The following ZNF257 variants were observed in gnomAD, a reference collection of about 807,000 sequenced individuals.
The protein encoded by ZNF257 is zinc finger protein 257, also known as bone marrow zinc finger 4.
In ZNF257, 12 loss-of-function variants were observed where a neutral mutation model predicts 11.9. The observed-to-expected ratio is 1.01, with a 90% CI of 0.65 to 1.63. ZNF257 has a LOEUF of 1.63. Ranked by LOEUF, ZNF257 falls within the 40% of genes most tolerant of loss-of-function variation. The probability of loss-of-function intolerance (pLI) is 0.00; values close to 1 mark genes in which losing one functional copy is unlikely to be tolerated. For missense variants in ZNF257, 580 were observed against 665.5 expected (o/e 0.87, Z 1.41); for synonymous variants, 183 against 222.7 (o/e 0.82, Z 1.59).
At chr19:22,062,920 G>A (rs1184815215) in intron 1 of ZNF257, among the ~76,000 whole-genome samples, 1 of 152,164 alleles carries the variant, frequency 6.6e-6, no homozygotes, top group East Asian at 1.9e-4. Context: ...AGCGGAAATG[G>A]TACTAGCTCT....
At chr19:22,085,497 G>A (rs1213125481) in intron 3 of ZNF257, among the ~76,000 whole-genome samples, 6 of 151,866 alleles carry the variant, frequency 4.0e-5, no homozygotes, top group Non-Finnish European at 8.8e-5. Flanking sequence ...CTATATCTGT[G>A]TTAGAAATAC....
At chr19:22,082,456 G>C (rs565423385) in intron 3 of ZNF257, among the ~76,000 whole-genome samples, 1 of 152,298 alleles carries the variant, frequency 6.6e-6, no homozygotes, top group East Asian at 1.9e-4. Context: ...TTACAGGCAT[G>C]AGCCACTGTG....
chr19:22,064,557 G>T (rs572057904), intron 1 of ZNF257, among the ~76,000 whole-genome samples: 1 of 152,280 alleles, frequency 6.6e-6, no homozygotes, highest in African/African-American at 2.4e-5. Flanking sequence ...AAGATACTGA[G>T]TAGTTTTTTT....
At chr19:22,076,711 C>T (rs10411495) in intron 3 of ZNF257, among the ~76,000 whole-genome samples, 15,880 of 151,954 alleles carry the variant, frequency 0.1, 2,834 homozygotes, top group African/African-American at 0.36. Flanking sequence ...TTTTTTGAGA[C>T]GGAGTCTCGC....
intron 3 of ZNF257, among the ~76,000 whole-genome samples, chr19:22,075,035 G>A (rs184956283): frequency 1.2e-4 from 18 of 152,262 alleles, no homozygotes; most frequent in Non-Finnish European, 2.2e-4. Context: ...CTAGTTTCAG[G>A]AGGTAAAGAT....
Position 22,073,461 on chromosome 19 carries a change from A to T in ZNF257, c.131-8A>T. 1 of 1,602,306 alleles carries T rather than the reference A, an allele frequency of 6.2e-7. No individual in the cohort carries two copies. Among genetic ancestry groups the T allele is most frequent in the Non-Finnish European group, 8.5e-7 (1 of 1,175,888 alleles). ...GCAAGATGCGTGTTACTTATTTTTA[A>T]AAAACAGGTATTGCTGTCTCTAAGC... is the stretch of plus-strand genomic sequence containing the variant. On this transcript the variant is annotated splice_region_variant and splice_polypyrimidine_tract_variant and intron_variant, in intron 2 of 3. Transcript: ENST00000594947.
intron 1 of ZNF257, among the ~76,000 whole-genome samples, chr19:22,053,325 G>T (rs1279421039): frequency 8.3e-6 from 1 of 121,182 alleles, no homozygotes; most frequent in East Asian, 2.8e-4. Context: ...CCGAGATGGC[G>T]CCACTGCACT....
intron 3 of ZNF257, among the ~76,000 whole-genome samples, chr19:22,078,814 CGG>C (rs2022291737): frequency 7.9e-6 from 1 of 126,374 alleles, no homozygotes; most frequent in East Asian, 2.3e-4. Flanking sequence ...TTTTTTGAGA[CGG>C]AGTTTTGCTC....
chr19:22,056,171 C>T (rs532148779), intron 1 of ZNF257, among the ~76,000 whole-genome samples: 1 of 151,724 alleles, frequency 6.6e-6, no homozygotes, highest in South Asian at 2.1e-4. Flanking sequence ...TACAAAGGGA[C>T]GGGGGAGCAC....
intron 1 of ZNF257, among the ~76,000 whole-genome samples, chr19:22,061,788 C>A (rs994434423): frequency 4.6e-5 from 7 of 151,862 alleles, no homozygotes; most frequent in Admixed American, 1.3e-4. Flanking sequence ...ATAAATAATT[C>A]ATTATTTTGA....
rs1379232404 is a variant in ZNF257, at chr19:22,091,274, C to T, written c.*1832C>T. Reference sequence around the variant, plus strand: ...AGGAGTTTGAAACCAGCCTGGCCAACATGGTGAAACCCTGTCTCTACTGAA... The same window carrying T: ...AGGAGTTTGAAACCAGCCTGGCCAATATGGTGAAACCCTGTCTCTACTGAA... On this transcript the variant is annotated 3_prime_UTR_variant, in exon 4 of 4. Transcript: ENST00000594947. 6.6e-6 allele frequency: 1 copy of T among 151,962 alleles called. No individual in the cohort carries two copies. The highest frequency in any genetic ancestry group is 2.4e-5 in the African/African-American group (1 of 41,312). The allele number at this position is 151,962 out of a possible 1,614,324, so 9.4% of individuals were successfully genotyped here. A position where few individuals can be genotyped will look rare whatever the true frequency, so the allele number is the denominator to read the frequency against.
chr19:22,090,884 C>T lies in ZNF257; in HGVS notation c.*1442C>T, dbSNP rs888332985. 7.2e-5 allele frequency: 11 copies of T among 152,186 alleles called. No homozygotes were observed. Among genetic ancestry groups the T allele is most frequent in the African/African-American group, 1.7e-4 (7 of 41,510 alleles). 9.4% of individuals were successfully genotyped at this position (152,186 alleles called of 1,614,324 possible). ...TACTTTATTAGGTGGGAATTATATA[C>T]GACCTCTTCTATAAAATAGTAAGGA... is the stretch of plus-strand genomic sequence containing the variant. On this transcript the variant is annotated 3_prime_UTR_variant, in exon 4 of 4. Coordinates refer to ENST00000594947, the MANE Select transcript of ZNF257 (RefSeq NM_033468.4).
At chr19:22,078,164 G>A (rs1391058244) in intron 3 of ZNF257, among the ~76,000 whole-genome samples, 1 of 149,690 alleles carries the variant, frequency 6.7e-6, no homozygotes, top group Non-Finnish European at 1.5e-5. Context: ...CTTGTACCCG[G>A]GAAATGAAGG....
intron 3 of ZNF257, among the ~76,000 whole-genome samples, chr19:22,078,792 C>CT (rs376822565): frequency 0.19 from 24,674 of 132,946 alleles, 2,618 homozygotes; most frequent in African/African-American, 0.26. Context: ...TTCTTTCTTT[C>CT]TTTTTTTTTT....
intron 3 of ZNF257, among the ~76,000 whole-genome samples, chr19:22,085,588 G>T (rs555969108): frequency 6.6e-6 from 1 of 151,724 alleles, no homozygotes; most frequent in South Asian, 2.1e-4. Context: ...GTGAGGTATT[G>T]AAATATCCTA....
At chr19:22,070,913 A>G (rs2022089068) in intron 1 of ZNF257, among the ~76,000 whole-genome samples, 2 of 152,156 alleles carry the variant, frequency 1.3e-5, no homozygotes, top group Non-Finnish European at 2.9e-5. Flanking sequence ...AAGTGGTTAT[A>G]AGCCCAGACC....
At chr19:22,058,532 T>C (rs768011642) in intron 1 of ZNF257, among the ~76,000 whole-genome samples, 5 of 152,156 alleles carry the variant, frequency 3.3e-5, no homozygotes, top group Middle Eastern at 3.4e-3. Flanking sequence ...GCTGAATGGG[T>C]GGTGTCAGAA....
In ZNF257 at chr19:22,072,798, G is replaced by A; in HGVS notation, c.4-11G>A. 2.5e-6 allele frequency: 4 copies of A among 1,607,116 alleles called. No homozygotes were observed. Among genetic ancestry groups the A allele is most frequent in the Non-Finnish European group, 3.4e-6 (4 of 1,177,064 alleles). ...TAAATATATGTGTGTCTGTGTTTGT[G>A]TGTTTTTCAGGGACCACTGACAATT... On this transcript the variant is annotated splice_polypyrimidine_tract_variant and intron_variant, in intron 1 of 3. Transcript: ENST00000594947.
At chr19:22,087,146 G>T in intron 3 of ZNF257, among the ~76,000 whole-genome samples, 1 of 149,958 alleles carries the variant, frequency 6.7e-6, no homozygotes, top group African/African-American at 2.5e-5. Flanking sequence ...TATAATGATT[G>T]CTTTCTGAAA....
Sources: allele counts gnomAD v4.1 joint callset (sites outside exome capture counted in the v4.1 genomes callset), GRCh38; gene constraint gnomAD v4.1.1; transcripts MANE v1.5; gene names NCBI Gene and HGNC (gene_info 2026-07-23, HGNC 2026-07-21).